The following KIFC2 variants were observed in gnomAD, a reference collection of about 807,000 sequenced individuals.
The protein encoded by KIFC2 is kinesin-like protein KIFC2.
In KIFC2, 94 loss-of-function variants were observed where a neutral mutation model predicts 91.5. The observed-to-expected ratio is 1.03, with a 90% CI of 0.87 to 1.22. KIFC2 has a LOEUF of 1.22. Among genes scored for constraint, KIFC2 ranks in the 50% most tolerant of loss-of-function variants. The probability of loss-of-function intolerance (pLI) is 0.00; values close to 1 mark genes in which losing one functional copy is unlikely to be tolerated. For synonymous variants in KIFC2, 729 were observed against 503.9 expected (o/e 1.45, Z -5.98); for missense variants, 1,357 against 1,103.3 (o/e 1.23, Z -3.26).
rs773939726 is a variant in KIFC2 at position 144,468,609 on chromosome 8, A to G, written c.962A>G (p.Asn321Ser). 4 of 1,613,254 alleles carry G rather than the reference A, an allele frequency of 2.5e-6. No individual in the cohort carries two copies. The South Asian group carries it at 4.4e-5, about 18-fold the overall frequency. The change falls in exon 9 of 18, where the codon AAC (asparagine) becomes AGC (serine). Residue 321 changes from asparagine (N) to serine (S), a missense_variant. Physicochemically the swap from Asn to Ser is conservative, Grantham distance 46. Coordinates refer to ENST00000645548, the MANE Select transcript of KIFC2 (RefSeq NM_001369769.2). Reference sequence around the variant, plus strand: ...CAGCTCCAGCAGGAGACGGAGCAGAACTGCAGGCGTGAGCTACAGCAGATG... The same window carrying G: ...CAGCTCCAGCAGGAGACGGAGCAGAGCTGCAGGCGTGAGCTACAGCAGATG... ...LQQLQQETEQ[N>S]CRRELQQMHG...
Position 144,472,968 on chromosome 8 carries a change from C to T in KIFC2, c.2035C>T (p.His679Tyr), listed in dbSNP as rs1245994572. The T allele has an allele frequency of 1.4e-6, 2 of 1,461,148 alleles. No homozygotes were observed. The highest frequency in any genetic ancestry group is 2.9e-5 in the East Asian group (1 of 34,660). 90.5% of individuals were successfully genotyped at this position (1,461,148 alleles called of 1,614,324 possible). A position where few individuals can be genotyped will look rare whatever the true frequency, so the allele number is the denominator to read the frequency against. ...GGCCGCACTGCGGGCCCACCGGCCG[C>T]ACGTGCCCTTCCGCGACTCGCAGCT... The part of the protein sequence containing the change: ...VMAALRAHRP[H>Y]VPFRDSQLTR... The change falls in exon 17 of 18, where the codon CAC (histidine) becomes TAC (tyrosine). Residue 679 changes from histidine (H) to tyrosine (Y), a missense_variant. His to Tyr is a moderately conservative substitution (Grantham distance 83). Transcript: ENST00000645548.
intron 10 of KIFC2, 61 bp from the exon 11 acceptor site, chr8:144,469,205 TCCCAC>T: frequency 8.0e-7 from 1 of 1,248,954 alleles, no homozygotes; most frequent in Admixed American, 2.3e-5. Flanking sequence ...CTCAGGACCC[TCCCAC>T]CCCCCACCTC....
chr8:144,469,128 G>T, intron 10 of KIFC2, 143 bp from the exon 11 acceptor site: 1 of 706,046 alleles, frequency 1.4e-6, no homozygotes, highest in Non-Finnish European at 2.4e-6. Context: ...ATGTCCCCAG[G>T]GGCCCAGAGC....
chr8:144,466,896 G>A, intron 2 of KIFC2, 58 bp downstream of exon 2: 4 of 1,548,580 alleles, frequency 2.6e-6, no homozygotes, highest in Admixed American at 1.9e-5. Context: ...TCCCAGGGAG[G>A]GGCGGAGGCC....
chr8:144,473,403 C>A lies in KIFC2; in HGVS notation c.*14C>A, dbSNP rs867860775. On this transcript the variant is annotated 3_prime_UTR_variant, in exon 18 of 18. Transcript: ENST00000645548. ...CTGCCCCTCTAGTCCTGGGTCGCGGCCCTGCCCATGGGGTCTCAGGCCAGG... is the reference window on the plus strand; with the variant it reads ...CTGCCCCTCTAGTCCTGGGTCGCGGACCTGCCCATGGGGTCTCAGGCCAGG... 4.5e-6 allele frequency: 7 copies of A among 1,571,728 alleles called. No individual in the cohort carries two copies. In the South Asian group the frequency reaches 7.0e-5, roughly 16 times the overall value.
chr8:144,467,788 G>T lies in KIFC2; in HGVS notation c.681+9G>T, dbSNP rs1439845566. 6.8e-6 allele frequency: 11 copies of T among 1,613,590 alleles called. No individual in the cohort carries two copies. Among genetic ancestry groups the T allele is most frequent in the Middle Eastern group, 3.3e-4 (2 of 6,082 alleles). On this transcript the variant is annotated intron_variant, in intron 6 of 17. Transcript: ENST00000645548. Reference sequence around the variant, plus strand: ...GACTGCGCCTGGGCGTGGTGAGGCTGCAGGGAGACCTGGCAGGGCCGGGCA... The same window carrying T: ...GACTGCGCCTGGGCGTGGTGAGGCTTCAGGGAGACCTGGCAGGGCCGGGCA...
Position 144,472,603 on chromosome 8 carries a change from G to GGCCACCGCC in KIFC2, c.1768_1776dup (p.Ala590_Ala592dup), listed in dbSNP as rs1554886051. The GGCCACCGCC allele has an allele frequency of 3.1e-6, 5 of 1,607,218 alleles. No homozygotes were observed. Among genetic ancestry groups the GGCCACCGCC allele is most frequent in the Non-Finnish European group, 4.2e-6 (5 of 1,179,684 alleles). On this transcript the variant is annotated inframe_insertion, in exon 16 of 18. Transcript: ENST00000645548. ...TGCTGAAACTGGGGAGGAGCAACCG[G>GGCCACCGCC]GCCACCGCCGCCACCGCCATGAACC...
In KIFC2 at chr8:144,474,009, T is replaced by C; in HGVS notation, c.*620T>C. On this transcript the variant is annotated 3_prime_UTR_variant, in exon 18 of 18. Transcript: ENST00000645548. ...CCAGGCTCAGCCCTGCTCCTGCAGCTTTGCCGCTGAGTGTAGGAAAAACAG... is the reference window on the plus strand; with the variant it reads ...CCAGGCTCAGCCCTGCTCCTGCAGCCTTGCCGCTGAGTGTAGGAAAAACAG... 1.8e-6 allele frequency: 1 copy of C among 570,004 alleles called. No individual in the cohort carries two copies. The highest frequency in any genetic ancestry group is 3.1e-6 in the Non-Finnish European group (1 of 321,834). The allele number at this position is 570,004 out of a possible 1,614,324, so 35.3% of individuals were successfully genotyped here.
chr8:144,467,278 G>A lies in KIFC2; in HGVS notation c.406G>A (p.Gly136Arg), dbSNP rs749536206. ...ALLAWLRSPR[G>R]RQALLQGTQP... is the part of the protein sequence containing the mutation. The stretch of plus-strand genomic sequence containing the variant: ...TCTGGCATGGCTTCGAAGCCCCAGG[G>A]GGAGGCAGGCCCTGCTCCAGGGGAC... Residue 136 changes from glycine to arginine, a missense_variant, in exon 4 of 18, where the codon GGG becomes AGG. Coordinates refer to ENST00000645548, the MANE Select transcript of KIFC2 (RefSeq NM_001369769.2). 2 of 1,613,338 alleles carry A rather than the reference G, an allele frequency of 1.2e-6. No individual in the cohort carries two copies. Among genetic ancestry groups the A allele is most frequent in the African/African-American group, 2.7e-5 (2 of 74,954 alleles).
In KIFC2 at chr8:144,466,755, C is replaced by T. The variant is rs1425338408; in HGVS notation, c.100-5C>T. ...TCCTCAGGGGCGCCCCTGCCCCCTC[C>T]CTAGAGAGCCCGCAAGCCCCGGGGT... On this transcript the variant is annotated splice_polypyrimidine_tract_variant and splice_region_variant and intron_variant, in intron 1 of 17. Transcript: ENST00000645548. 3.9e-6 allele frequency: 6 copies of T among 1,529,200 alleles called. No homozygotes were observed. Among genetic ancestry groups the T allele is most frequent in the African/African-American group, 1.4e-5 (1 of 72,174 alleles). 94.7% of individuals were successfully genotyped at this position (1,529,200 alleles called of 1,614,324 possible). A position where few individuals can be genotyped will look rare whatever the true frequency, so the allele number is the denominator to read the frequency against.
chr8:144,472,144 C>G lies in KIFC2; in HGVS notation c.1492C>G (p.Pro498Ala), dbSNP rs979562309. ...TGKTYSMEGP[P>A]EDPGIVPRAL... The stretch of plus-strand genomic sequence containing the variant: ...CACCCCACCCCATCCTCAGGGCCCT[C>G]CTGAGGACCCCGGCATAGTTCCTAG... Residue 498 changes from proline (P) to alanine (A), a missense_variant, in exon 14 of 18, where the codon CCT (proline) becomes GCT (alanine). Physicochemically the swap from Pro to Ala is conservative, Grantham distance 27. Coordinates refer to ENST00000645548, the MANE Select transcript of KIFC2 (RefSeq NM_001369769.2). The G allele has an allele frequency of 2.5e-6, 4 of 1,613,240 alleles. No individual in the cohort carries two copies. The highest frequency in any genetic ancestry group is 1.7e-5 in the Admixed American group (1 of 60,022).
intron 12 of KIFC2, among the ~76,000 whole-genome samples, chr8:144,470,967 TTTTTC>T (rs1824900956): frequency 6.6e-6 from 1 of 151,850 alleles, no homozygotes; most frequent in South Asian, 2.1e-4. Flanking sequence ...GGCTCTTTTT[TTTTTC>T]TTTATTTTTG....
In KIFC2 at chr8:144,467,872, CAG is replaced by C; in HGVS notation, c.699_700del (p.Arg235GlyfsTer90). 1 of 1,613,474 alleles carries C rather than the reference CAG, an allele frequency of 6.2e-7. No homozygotes were observed. Among genetic ancestry groups the C allele is most frequent in the Non-Finnish European group, 8.5e-7 (1 of 1,179,810 alleles). On this transcript the variant is annotated frameshift_variant, in exon 7 of 18. Coordinates refer to ENST00000645548, the MANE Select transcript of KIFC2 (RefSeq NM_001369769.2). LOFTEE classifies it high-confidence loss of function. ...CCTCTCCACCAGGGGGCGACGGACTCAGAGAAAAGGGTTCAGCATCTGACTCT... is the reference window on the plus strand; with the variant it reads ...CCTCTCCACCAGGGGGCGACGGACTCAGAAAAGGGTTCAGCATCTGACTCT...
In KIFC2 at chr8:144,467,087, G is replaced by A. The variant is rs746684667; in HGVS notation, c.307G>A (p.Gly103Arg). 1.3e-6 allele frequency: 2 copies of A among 1,598,312 alleles called. No homozygotes were observed. Among genetic ancestry groups the A allele is most frequent in the South Asian group, 1.1e-5 (1 of 89,500 alleles). ...CCAGCTGGGGGCGGAAGAGAGCTGCGGGGGCCCGGCGGACCTGGGCCAGGT... is the reference window on the plus strand; with the variant it reads ...CCAGCTGGGGGCGGAAGAGAGCTGCAGGGGCCCGGCGGACCTGGGCCAGGT... ...SVQLGAEESC[G>R]GPADLGQSGE... The change falls in exon 3 of 18, where the codon GGG becomes AGG. Residue 103 changes from glycine to arginine, a missense_variant. Coordinates refer to ENST00000645548, the MANE Select transcript of KIFC2 (RefSeq NM_001369769.2).
In KIFC2 at chr8:144,473,478, G is replaced by A. The variant is rs777539592; in HGVS notation, c.*89G>A. 2.8e-6 allele frequency: 4 copies of A among 1,452,626 alleles called. No homozygotes were observed. Among genetic ancestry groups the A allele is most frequent in the Middle Eastern group, 1.8e-4 (1 of 5,492 alleles). 90.0% of individuals were successfully genotyped at this position (1,452,626 alleles called of 1,614,324 possible). ...AAGTCCCTGTACCCCGTCTCCCAGG[G>A]CACAAGCTCCCTAGCCTCTTTGGAT... On this transcript the variant is annotated 3_prime_UTR_variant, in exon 18 of 18. Transcript: ENST00000645548.
chr8:144,467,089 G>A lies in KIFC2; in HGVS notation c.309G>A (p.Gly103=), dbSNP rs1481239926. The A allele has an allele frequency of 1.9e-6, 3 of 1,598,770 alleles. No individual in the cohort carries two copies. The highest frequency in any genetic ancestry group is 2.6e-6 in the Non-Finnish European group (3 of 1,172,832). The change falls in exon 3 of 18, where the codon GGG becomes GGA. Residue 103 remains glycine, a synonymous_variant. Coordinates refer to ENST00000645548, the MANE Select transcript of KIFC2 (RefSeq NM_001369769.2). ...SVQLGAEESC[G]GPADLGQSGE... is the part of the protein sequence containing the mutation. Reference sequence around the variant, plus strand: ...AGCTGGGGGCGGAAGAGAGCTGCGGGGGCCCGGCGGACCTGGGCCAGGTGA... The same window carrying A: ...AGCTGGGGGCGGAAGAGAGCTGCGGAGGCCCGGCGGACCTGGGCCAGGTGA...
Position 144,466,419 on chromosome 8 carries a change from C to G in KIFC2, c.-1C>G. 2 of 1,322,028 alleles carry G rather than the reference C, an allele frequency of 1.5e-6. No individual in the cohort carries two copies. Among genetic ancestry groups the G allele is most frequent in the African/African-American group, 1.6e-5 (1 of 64,242 alleles). 81.9% of individuals were successfully genotyped at this position (1,322,028 alleles called of 1,614,324 possible). On this transcript the variant is annotated 5_prime_UTR_variant, in exon 1 of 18. Coordinates refer to ENST00000645548, the MANE Select transcript of KIFC2 (RefSeq NM_001369769.2). Reference sequence around the variant, plus strand: ...GGGGCCCTCTGCCGCCCCGCGCTCCCATGTACGCCTTTTACTCGTTGCTCA... The same window carrying G: ...GGGGCCCTCTGCCGCCCCGCGCTCCGATGTACGCCTTTTACTCGTTGCTCA...
chr8:144,467,724 T>C lies in KIFC2; in HGVS notation c.626T>C (p.Leu209Pro). The C allele has an allele frequency of 2.5e-6, 4 of 1,613,840 alleles. No individual in the cohort carries two copies. The highest frequency in any genetic ancestry group is 3.4e-6 in the Non-Finnish European group (4 of 1,179,946). ...EQLILGQLEE[L>P]KQQLEQQEEE... ...CTTACTTCTCCCCAGCTGGAGGAGC[T>C]GAAGCAGCAGCTGGAACAGCAGGAG... Residue 209 changes from leucine (L) to proline (P), a missense_variant, in exon 6 of 18, where the codon CTG (leucine) becomes CCG (proline). Leu to Pro is a moderately conservative substitution (Grantham distance 98). Coordinates refer to ENST00000645548, the MANE Select transcript of KIFC2 (RefSeq NM_001369769.2).
chr8:144,469,719 TC>T, intron 12 of KIFC2, 72 bp downstream of exon 12: 1 of 1,497,538 alleles, frequency 6.7e-7, no homozygotes. Flanking sequence ...GGCTCCAGTT[TC>T]CCCTTCCCAG....
Sources: allele counts gnomAD v4.1 joint callset (sites outside exome capture counted in the v4.1 genomes callset), GRCh38; gene constraint gnomAD v4.1.1; transcripts MANE v1.5; gene names NCBI Gene and HGNC (gene_info 2026-07-23, HGNC 2026-07-21).